Variants in PPCS observed in about 807,000 individuals in gnomAD.
PPCS encodes phosphopantothenoylcysteine synthetase.
PPCS carries 17 observed loss-of-function variants against 24.6 expected under a neutral mutation model. That is an observed-to-expected ratio of 0.69 (90% CI 0.47 to 1.04). The LOEUF (loss-of-function observed/expected upper bound fraction) is 1.04. PPCS is among the 50% of genes least tolerant of loss of function. PPCS has a pLI of 0.00. For synonymous variants in PPCS, 190 were observed against 168.3 expected (o/e 1.13, Z -1.00); for missense variants, 360 against 402.8 (o/e 0.89, Z 0.91).
chr1:42,463,871 T>C (rs372265859), downstream of PPCS: 19 of 152,340 alleles, frequency 1.2e-4, no homozygotes, highest in African/African-American at 3.8e-4. Context: ...TGGAGGCCTT[T>C]TGTATCCTCA....
intron 2 of PPCS, among the ~76,000 whole-genome samples, chr1:42,471,458 GTT>G (rs1278762285): frequency 6.6e-6 from 1 of 152,170 alleles, no homozygotes; most frequent in African/African-American, 2.4e-5. Context: ...TGTGTCTGGT[GTT>G]TACATAGTTA....
At chr1:42,468,997 G>C (rs1395091022) in intron 2 of PPCS, among the ~76,000 whole-genome samples, 1 of 151,248 alleles carries the variant, frequency 6.6e-6, no homozygotes, top group Admixed American at 6.6e-5. Flanking sequence ...CAAAACAGGA[G>C]AAAGTGACAT....
intron 2 of PPCS, among the ~76,000 whole-genome samples, chr1:42,470,286 A>G (rs1057168585): frequency 8.6e-5 from 5 of 58,420 alleles, no homozygotes; most frequent in Non-Finnish European, 3.5e-5. Flanking sequence ...ACCCATTAGG[A>G]TGGCTATTTT....
At position 42,456,849 on chromosome 1, in the gene PPCS, G is replaced by T. The variant is rs776337829; in HGVS notation, c.284G>T (p.Arg95Leu). 3 of 1,613,326 alleles carry T rather than the reference G, an allele frequency of 1.9e-6. No homozygotes were observed. Among genetic ancestry groups the T allele is most frequent in the Non-Finnish European group, 2.5e-6 (3 of 1,180,046 alleles). Residue 95 changes from arginine to leucine, a missense_variant, in exon 1 of 3, where the codon CGC becomes CTC. Coordinates refer to ENST00000372561, the MANE Select transcript of PPCS (RefSeq NM_024664.4). Reference protein sequence around the residue: ...RARSAFPYAHRFPPQTWLSAL... With the variant: ...RARSAFPYAHLFPPQTWLSAL... ...CGCTCTGCCTTCCCCTATGCCCACC[G>T]CTTCCCACCCCAGACTTGGCTGTCC...
downstream of PPCS, among the ~76,000 whole-genome samples, chr1:42,461,617 G>A (rs1267037566): frequency 6.6e-6 from 1 of 151,334 alleles, no homozygotes; most frequent in Non-Finnish European, 1.5e-5. Context: ...CACAATCTCG[G>A]CTCACTGCAA....
At position 42,457,079 on chromosome 1, in the gene PPCS, T is replaced by C. The variant is rs1369952880; in HGVS notation, c.508+6T>C. On this transcript the variant is annotated splice_donor_region_variant and intron_variant, in intron 1 of 2. Coordinates refer to ENST00000372561, the MANE Select transcript of PPCS (RefSeq NM_024664.4). ...CCAGGCACTCAATCCGCTAGGTGCGTGCCCTAGGAGTACCCCTTTTGCCTG... is the reference window on the plus strand; with the variant it reads ...CCAGGCACTCAATCCGCTAGGTGCGCGCCCTAGGAGTACCCCTTTTGCCTG... 6.3e-7 allele frequency: 1 copy of C among 1,590,572 alleles called. No homozygotes were observed. Among genetic ancestry groups the C allele is most frequent in the African/African-American group, 1.3e-5 (1 of 74,658 alleles).
In PPCS at chr1:42,457,271, C is replaced by G; in HGVS notation, c.533C>G (p.Ala178Gly). Residue 178 changes from alanine (A) to glycine (G), a missense_variant, in exon 2 of 3, where the codon GCT becomes GGT. Around this residue, in one of 2 missense-constraint regions of PPCS, gnomAD observed 116 missense variants for 168.1 expected, o/e 0.69. Transcript: ENST00000372561. Reference sequence around the variant, plus strand: ...GGCCCTTCTGCGATGTTTTACCTGGCTGCGGCTGTGTCAGATTTCTATGTT... The same window carrying G: ...GGCCCTTCTGCGATGTTTTACCTGGGTGCGGCTGTGTCAGATTTCTATGTT... ...PLGPSAMFYL[A>G]AAVSDFYVPV... 1 of 1,614,224 alleles carries G rather than the reference C, an allele frequency of 6.2e-7. No individual in the cohort carries two copies. The highest frequency in any genetic ancestry group is 8.5e-7 in the Non-Finnish European group (1 of 1,180,040).
chr1:42,462,524 G>T (rs1358544502), downstream of PPCS, among the ~76,000 whole-genome samples: 2 of 152,178 alleles, frequency 1.3e-5, no homozygotes, highest in East Asian at 1.9e-4. Flanking sequence ...AAAAATTTGT[G>T]AAGTATTCTC....
intron 2 of PPCS, among the ~76,000 whole-genome samples, chr1:42,458,653 T>C (rs1643310840): frequency 6.6e-6 from 1 of 152,252 alleles, no homozygotes; most frequent in African/African-American, 2.4e-5. Context: ...CTAACAGCTT[T>C]TTTTTAGGGC....
In PPCS at chr1:42,456,649, C is replaced by G. The variant is rs1319845078; in HGVS notation, c.84C>G (p.Ala28=). ...CTGAGGTTATGGCTCGCTTCGCGGCCAGGCTGGGCGCGCAGGGCCGGCGGG... is the reference window on the plus strand; with the variant it reads ...CTGAGGTTATGGCTCGCTTCGCGGCGAGGCTGGGCGCGCAGGGCCGGCGGG... The part of the protein sequence containing the change: ...RWAEVMARFA[A]RLGAQGRRVV... The change falls in exon 1 of 3, where the codon GCC becomes GCG. Residue 28 remains alanine (A), a synonymous_variant. Coordinates refer to ENST00000372561, the MANE Select transcript of PPCS (RefSeq NM_024664.4). 1.3e-6 allele frequency: 2 copies of G among 1,590,406 alleles called. No individual in the cohort carries two copies. Among genetic ancestry groups the G allele is most frequent in the Non-Finnish European group, 1.7e-6 (2 of 1,171,152 alleles).
chr1:42,465,105 A>C (rs1378513394), downstream of PPCS, among the ~76,000 whole-genome samples: 1 of 152,170 alleles, frequency 6.6e-6, no homozygotes, highest in African/African-American at 2.4e-5. Context: ...ATAAATTTAA[A>C]AACAATTTAA....
chr1:42,467,147 A>G (rs538051315), intron 2 of PPCS, among the ~76,000 whole-genome samples: 3 of 152,308 alleles, frequency 2.0e-5, no homozygotes, highest in East Asian at 3.9e-4. Flanking sequence ...ACAAGGCTAG[A>G]GAGACTGGGA....
Position 42,456,603 on chromosome 1 carries a change from C to G in PPCS, c.38C>G (p.Pro13Arg). 2 of 1,517,852 alleles carry G rather than the reference C, an allele frequency of 1.3e-6. No individual in the cohort carries two copies. The highest frequency in any genetic ancestry group is 1.3e-5 in the South Asian group (1 of 76,820). The allele number at this position is 1,517,852 out of a possible 1,614,324, so 94.0% of individuals were successfully genotyped here. The change falls in exon 1 of 3, where the codon CCT becomes CGT. Residue 13 changes from proline to arginine, a missense_variant. By Grantham distance (103) the Pro-to-Arg change is moderately radical. Around this residue, in one of 2 missense-constraint regions of PPCS, gnomAD observed 244 missense variants for 234.7 expected, o/e 1.04. Transcript: ENST00000372561. ...GATCCGGTAGCCGAGTTCCCCCAGCCTCCCGGTGCTGCGCGCTGGGCTGAG... is the reference window on the plus strand; with the variant it reads ...GATCCGGTAGCCGAGTTCCCCCAGCGTCCCGGTGCTGCGCGCTGGGCTGAG... Reference protein sequence around the residue: ...EMDPVAEFPQPPGAARWAEVM... With the variant: ...EMDPVAEFPQRPGAARWAEVM...
chr1:42,469,410 G>T (rs1168566824), intron 2 of PPCS, among the ~76,000 whole-genome samples: 1 of 152,148 alleles, frequency 6.6e-6, no homozygotes, highest in Non-Finnish European at 1.5e-5. Flanking sequence ...TGCAGCAAGT[G>T]TAAGAGTGTG....
Position 42,457,027 on chromosome 1 carries a change from C to G in PPCS, c.462C>G (p.Asp154Glu). ...CAGTAGAGTTCACCACTTTGGCGGA[C>G]TATTTGCATCTGTTGCAGGCTGCGG... ...FLAVEFTTLA[D>E]YLHLLQAAAQ... Residue 154 changes from aspartate (D) to glutamate (E), a missense_variant, in exon 1 of 3, where the codon GAC becomes GAG. This residue lies in a region of PPCS where 244 missense variants were observed against 234.7 expected (regional missense o/e 1.04). Coordinates refer to ENST00000372561, the MANE Select transcript of PPCS (RefSeq NM_024664.4). 1 of 1,601,610 alleles carries G rather than the reference C, an allele frequency of 6.2e-7. No individual in the cohort carries two copies. Among genetic ancestry groups the G allele is most frequent in the Non-Finnish European group, 8.5e-7 (1 of 1,179,606 alleles).
chr1:42,456,361 AT>A, upstream of PPCS: 1 of 643,390 alleles, frequency 1.6e-6, no homozygotes, highest in South Asian at 2.0e-5. Flanking sequence ...CCAGCCGGGG[AT>A]CCCCCTCGTT....
chr1:42,464,791 T>C (rs1280701367), downstream of PPCS, among the ~76,000 whole-genome samples: 2 of 152,238 alleles, frequency 1.3e-5, no homozygotes, highest in African/African-American at 4.8e-5. Flanking sequence ...ATACAGAACA[T>C]ACACATTTTA....
chr1:42,458,743 T>C (rs1643314777), intron 2 of PPCS, among the ~76,000 whole-genome samples: 1 of 152,214 alleles, frequency 6.6e-6, no homozygotes, highest in Admixed American at 6.5e-5. Context: ...TTTAGTTCTA[T>C]CTTGAAAGTA....
chr1:42,457,384 C>T (rs768125421), intron 2 of PPCS, 34 bp downstream of exon 2: 44 of 1,566,244 alleles, frequency 2.8e-5, no homozygotes, highest in Non-Finnish European at 3.9e-5. Flanking sequence ...GATCTAATCC[C>T]ATATAACCAA....
Sources: allele counts gnomAD v4.1 joint callset (sites outside exome capture counted in the v4.1 genomes callset), GRCh38; gene constraint gnomAD v4.1.1; regional missense constraint gnomAD v4.1.1; transcripts MANE v1.5; gene names NCBI Gene and HGNC (gene_info 2026-07-23, HGNC 2026-07-21).